XIRP2: variants seen among roughly 807,000 people sequenced by gnomAD.
XIRP2 encodes the protein xin actin binding repeat containing 2.
Under a neutral mutation model 277.0 loss-of-function variants are expected in XIRP2, and 236 were observed. The ratio of observed to expected loss-of-function variants is 0.85; its 90% confidence interval spans 0.77 to 0.95. The LOEUF (loss-of-function observed/expected upper bound fraction) is 0.95, where lower values mean the gene tolerates loss of function less well. Ranked by LOEUF, XIRP2 falls within the 40% of genes least tolerant of loss-of-function variation. XIRP2 has a pLI of 0.00. For missense variants in XIRP2, 4,640 were observed against 4,157.5 expected, an observed-to-expected ratio of 1.12 and a Z score of -3.19; for synonymous variants, 1,490 against 1,416.5, an observed-to-expected ratio of 1.05 and a Z score of -1.17.
At chr2:166,926,668 C>T (rs976631609) in intron 2 of XIRP2, among the ~76,000 whole-genome samples, 3 of 152,060 alleles carry the variant, frequency 2.0e-5, no homozygotes, top group Non-Finnish European at 4.4e-5. Flanking sequence ...TCTGTTCATG[C>T]TTGGTGCAGA....
chr2:166,997,329 T>G (rs1180228112), intron 2 of XIRP2, among the ~76,000 whole-genome samples: 2 of 152,168 alleles, frequency 1.3e-5, no homozygotes, highest in Non-Finnish European at 2.9e-5. Flanking sequence ...AGCTTATAAT[T>G]CTGTATTTTT....
At chr2:167,208,972 C>T (rs1306960608) in intron 3 of XIRP2, among the ~76,000 whole-genome samples, 1 of 152,174 alleles carries the variant, frequency 6.6e-6, no homozygotes, top group Non-Finnish European at 1.5e-5. Flanking sequence ...AAATAAAGAG[C>T]TTTTCCTCAG....
intron 3 of XIRP2, among the ~76,000 whole-genome samples, chr2:167,189,267 C>T (rs1693253521): frequency 6.6e-6 from 1 of 152,170 alleles, no homozygotes; most frequent in African/African-American, 2.4e-5. Context: ...TGCTCTCTCT[C>T]TCACACACAC....
chr2:167,090,575 T>C (rs75330344), intron 2 of XIRP2, among the ~76,000 whole-genome samples: 12,336 of 152,260 alleles, frequency 0.081, 558 homozygotes, highest in South Asian at 0.16. Flanking sequence ...GAATACTTGA[T>C]GCTAGGTGAT....
In XIRP2 at chr2:167,248,158, A is replaced by G; in HGVS notation, c.6766A>G (p.Lys2256Glu). ...VHLKSQDFLMKTNTSTGLKMA... is the reference protein window; with the variant it reads ...VHLKSQDFLMETNTSTGLKMA... ...CTTGAAAAGCCAGGACTTTCTAATGAAAACAAATACTTCCACAGGCTTAAA... is the reference window on the plus strand; with the variant it reads ...CTTGAAAAGCCAGGACTTTCTAATGGAAACAAATACTTCCACAGGCTTAAA... The change falls in exon 9 of 11, where the codon AAA becomes GAA. Residue 2256 changes from lysine (K) to glutamate (E), a missense_variant. Physicochemically the swap from Lys to Glu is moderately conservative, Grantham distance 56. Transcript: ENST00000409195. 2 of 1,613,740 alleles carry G rather than the reference A, an allele frequency of 1.2e-6. No individual in the cohort carries two copies. Among genetic ancestry groups the G allele is most frequent in the Non-Finnish European group, 1.7e-6 (2 of 1,179,814 alleles).
At position 167,250,582 on chromosome 2, in the gene XIRP2, A is replaced by C; in HGVS notation, c.9190A>C (p.Asn3064His). The C allele has an allele frequency of 6.2e-7, 1 of 1,613,514 alleles. No homozygotes were observed. The highest frequency in any genetic ancestry group is 8.5e-7 in the Non-Finnish European group (1 of 1,179,686). Residue 3064 changes from asparagine (N) to histidine (H), a missense_variant, in exon 9 of 11, where the codon AAT becomes CAT. Asn to His is a moderately conservative substitution (Grantham distance 68, BLOSUM62 1). Transcript: ENST00000409195. The stretch of plus-strand genomic sequence containing the variant: ...AGTATCTAATGTTCATGTCAGCAAT[A>C]ATAAAAATAGTGAACAGAAAGAAAA... ...SKVSNVHVSN[N>H]KNSEQKENKI...
rs754224607 is a variant in XIRP2, at chr2:167,249,244, G to T, written c.7852G>T (p.Ala2618Ser). Residue 2618 changes from alanine to serine, a missense_variant, in exon 9 of 11, where the codon GCT becomes TCT. Coordinates refer to ENST00000409195, the MANE Select transcript of XIRP2 (RefSeq NM_152381.6). The part of the protein sequence containing the change: ...VQPSPGSQSN[A>S]RILGVCSDNQ... The stretch of plus-strand genomic sequence containing the variant: ...ACCCAGCCCAGGCTCTCAAAGTAAT[G>T]CTCGGATACTAGGAGTGTGTTCTGA... The T allele has an allele frequency of 6.2e-7, 1 of 1,613,724 alleles. No individual in the cohort carries two copies. The highest frequency in any genetic ancestry group is 8.5e-7 in the Non-Finnish European group (1 of 1,179,764).
chr2:167,201,180 GAGAGAGAGAGAAAGAA>G (rs1693677720), intron 3 of XIRP2, among the ~76,000 whole-genome samples: 1 of 129,022 alleles, frequency 7.8e-6, no homozygotes, highest in African/African-American at 3.1e-5. Flanking sequence ...GAGAAAGAAA[GAGAGAGAGAGAAAGAA>G]AGAAAGAAAG....
intron 3 of XIRP2, among the ~76,000 whole-genome samples, chr2:167,181,852 G>A (rs560550984): frequency 2.0e-4 from 31 of 152,194 alleles, no homozygotes; most frequent in East Asian, 1.4e-3. Context: ...GAGTCAAGAC[G>A]GTCCACATTT....
intron 5 of XIRP2, among the ~76,000 whole-genome samples, chr2:167,234,874 G>A (rs763352101): frequency 1.6e-4 from 24 of 151,692 alleles, no homozygotes; most frequent in Non-Finnish European, 3.2e-4. Context: ...CAATGTCATA[G>A]TAATTCTGCC....
chr2:167,178,586 A>G (rs1692920257), intron 3 of XIRP2, among the ~76,000 whole-genome samples: 1 of 152,088 alleles, frequency 6.6e-6, no homozygotes, highest in Non-Finnish European at 1.5e-5. Flanking sequence ...TAATTAATAC[A>G]GCTTTGTAAA....
chr2:166,907,859 G>A (rs1435586814), intron 2 of XIRP2, among the ~76,000 whole-genome samples: 1 of 146,178 alleles, frequency 6.8e-6, no homozygotes, highest in African/African-American at 2.5e-5. Flanking sequence ...GTGAGAACAT[G>A]CAGTGTTTGG....
In XIRP2 at chr2:167,214,226, G is replaced by GAGGGAGGGAGGA. The variant is rs1323240476; in HGVS notation, c.723+3334_723+3335insGAGGGAGGAAGG. On this transcript the variant is annotated intron_variant, in intron 4 of 10. Coordinates refer to ENST00000409195, the MANE Select transcript of XIRP2 (RefSeq NM_152381.6). ...AAAGAGAGGGAGGGAGGGAGGGAGG[G>GAGGGAGGGAGGA]AGGAAGGAAGGAAGGAAGGAAGGAA... Among the ~76,000 whole-genome samples, 113 of 67,332 alleles carry GAGGGAGGGAGGA rather than the reference G, an allele frequency of 1.7e-3. 6 individuals carry two copies. The highest frequency in any genetic ancestry group is 7.1e-3 in the African/African-American group (72 of 10,088). The allele number at this position is 67,332 out of a possible 152,430, so 44.2% of individuals were successfully genotyped here. A position where few individuals can be genotyped will look rare whatever the true frequency, so the allele number is the denominator to read the frequency against.
intron 2 of XIRP2, among the ~76,000 whole-genome samples, chr2:167,062,309 A>G (rs1689190829): frequency 6.6e-6 from 1 of 152,154 alleles, no homozygotes; most frequent in African/African-American, 2.4e-5. Context: ...ACTGGACCTC[A>G]TTGCTAAACA....
At chr2:167,148,537 T>C (rs779866858) in intron 3 of XIRP2, among the ~76,000 whole-genome samples, 1 of 150,470 alleles carries the variant, frequency 6.6e-6, no homozygotes, top group Non-Finnish European at 1.5e-5. Flanking sequence ...AAGAAAGGCA[T>C]AGAGTAATTA....
chr2:167,245,486 C>T lies in XIRP2; in HGVS notation c.4094C>T (p.Ser1365Leu), dbSNP rs1351122318. 1.2e-6 allele frequency: 2 copies of T among 1,613,392 alleles called. No homozygotes were observed. The highest frequency in any genetic ancestry group is 1.3e-5 in the African/African-American group (1 of 74,888). Residue 1365 changes from serine to leucine, a missense_variant, in exon 9 of 11, where the codon TCA becomes TTA. Coordinates refer to ENST00000409195, the MANE Select transcript of XIRP2 (RefSeq NM_152381.6). ...ETKPLDSINKSETVYVIKSVT... is the reference protein window; with the variant it reads ...ETKPLDSINKLETVYVIKSVT... ...AAGCCATTAGACTCTATTAATAAAT[C>T]AGAAACTGTGTATGTTATTAAATCT...
intron 2 of XIRP2, among the ~76,000 whole-genome samples, chr2:166,969,633 A>G (rs765199142): frequency 2.0e-4 from 31 of 152,102 alleles, no homozygotes; most frequent in Non-Finnish European, 3.8e-4. Context: ...AATATTTTAA[A>G]GCATCCCAAC....
chr2:167,026,022 G>A (rs1688145674), intron 2 of XIRP2, among the ~76,000 whole-genome samples: 1 of 152,072 alleles, frequency 6.6e-6, no homozygotes, highest in Admixed American at 6.6e-5. Flanking sequence ...TTAACTTTCT[G>A]TCTCGTTGAT....
rs2105438656 is a variant in XIRP2 at position 167,245,719 on chromosome 2, G to A, written c.4327G>A (p.Glu1443Lys). 6.2e-7 allele frequency: 1 copy of A among 1,613,646 alleles called. No homozygotes were observed. Among genetic ancestry groups the A allele is most frequent in the Non-Finnish European group, 8.5e-7 (1 of 1,179,732 alleles). Residue 1443 changes from glutamate (E) to lysine (K), a missense_variant, in exon 9 of 11, where the codon GAA becomes AAA. Transcript: ENST00000409195. ...CTATATACGAACAGTAAGTGTCAAT[G>A]AAATACAAAAGGGCAATGTTAAAAC... is the stretch of plus-strand genomic sequence containing the variant. ...NNYIRTVSVN[E>K]IQKGNVKTST... is the part of the protein sequence containing the mutation.
Sources: allele counts gnomAD v4.1 joint callset (sites outside exome capture counted in the v4.1 genomes callset), GRCh38; gene constraint gnomAD v4.1.1; transcripts MANE v1.5; gene names NCBI Gene and HGNC (gene_info 2026-07-23, HGNC 2026-07-21).